The following POGZ variants were observed in gnomAD, a reference collection of about 807,000 sequenced individuals.
POGZ encodes the protein pogo transposable element with ZNF domain.
POGZ carries 17 observed loss-of-function variants against 134.6 expected under a neutral mutation model. The observed-to-expected ratio is 0.13, with a 90% confidence interval of 0.09 to 0.19. The LOEUF (loss-of-function observed/expected upper bound fraction) is 0.19. Ranked by LOEUF, POGZ falls within the 10% of genes least tolerant of loss-of-function variation. POGZ has a pLI of 1.00. For missense variants in POGZ, 1,306 were observed against 1,769.7 expected, an observed-to-expected ratio of 0.74 and a Z score of 4.70; for synonymous variants, 693 against 657.1, an observed-to-expected ratio of 1.05 and a Z score of -0.84.
intron 10 of POGZ, among the ~76,000 whole-genome samples, 157 bp from the exon 11 acceptor site, chr1:151,412,553 CAT>C (rs1309509953): frequency 6.6e-6 from 1 of 152,200 alleles, no homozygotes; most frequent in East Asian, 1.9e-4. Context: ...TCCACCTTAA[CAT>C]ATATGTTGCT....
Position 151,404,545 on chromosome 1 carries a change from A to T in POGZ, c.*257T>A, listed in dbSNP as rs947128354. The T allele has an allele frequency of 1.8e-5, 21 of 1,148,996 alleles. No individual in the cohort carries two copies. The highest frequency in any genetic ancestry group is 2.2e-5 in the Non-Finnish European group (21 of 934,498). The allele number at this position is 1,148,996 out of a possible 1,614,324, so 71.2% of individuals were successfully genotyped here. A position where few individuals can be genotyped will look rare whatever the true frequency, so the allele number is the denominator to read the frequency against. ...GTGATTTAAATTTAAAAAAAAAAAA[A>T]GTCACAAAAACCTGTTTTTAGCAGA... On this transcript the variant is annotated 3_prime_UTR_variant, in exon 19 of 19. Transcript: ENST00000271715.
At chr1:151,439,266 A>G (rs1026151484) in intron 3 of POGZ, among the ~76,000 whole-genome samples, 2 of 152,186 alleles carry the variant, frequency 1.3e-5, no homozygotes, top group Admixed American at 1.3e-4. Flanking sequence ...AAATAATAGA[A>G]ATCTTTACAT....
In POGZ at chr1:151,405,725, A is replaced by G; in HGVS notation, c.3310T>C (p.Phe1104Leu). The change falls in exon 19 of 19, where the codon TTC becomes CTC. Residue 1104 changes from phenylalanine to leucine, a missense_variant. By Grantham distance (22) the Phe-to-Leu change is conservative. Transcript: ENST00000271715. This position sits in a 1 kb window ranked among gnomAD's most constrained non-coding sequence, Gnocchi z 4.9. ...PKDVAENAGL[F>L]IDFVQRQIHN... ...ATCTGCCGTTGTACAAAATCAATGA[A>G]GAGTCCTGCATTCTCTGCTACATCC... 6.2e-7 allele frequency: 1 copy of G among 1,614,214 alleles called. No individual in the cohort carries two copies. The highest frequency in any genetic ancestry group is 8.5e-7 in the Non-Finnish European group (1 of 1,180,026).
intron 1 of POGZ, among the ~76,000 whole-genome samples, chr1:151,445,151 G>A (rs2102386246): frequency 6.6e-6 from 1 of 152,288 alleles, no homozygotes; most frequent in South Asian, 2.1e-4. Context: ...TTAATCAAGT[G>A]AGAAAAATAT....
intron 10 of POGZ, among the ~76,000 whole-genome samples, chr1:151,416,241 A>AAAAAAAAAAAAAAAAAAAAAAAAAAAG (rs1655655902): frequency 6.9e-6 from 1 of 145,522 alleles, no homozygotes; most frequent in Non-Finnish European, 1.5e-5. Context: ...AAAAAGAAAA[A>AAAAAAAAAAAAAAAAAAAAAAAAAAAG]GAAAGAAAAG....
Position 151,428,112 on chromosome 1 carries a change from C to T in POGZ, c.859+11G>A, listed in dbSNP as rs377698150. ...AACCTGGCTCTGCCATCTCCTCTTC[C>T]GAAGCCTTACCTAGCTTGGGATTCG... On this transcript the variant is annotated intron_variant, in intron 6 of 18. Coordinates refer to ENST00000271715, the MANE Select transcript of POGZ (RefSeq NM_015100.4). The T allele has an allele frequency of 1.4e-4, 229 of 1,613,802 alleles. No homozygotes were observed. The highest frequency in any genetic ancestry group is 1.7e-4 in the Non-Finnish European group (205 of 1,179,712).
chr1:151,411,576 TAAAA>T (rs78077948), intron 12 of POGZ, 45 bp downstream of exon 12: 2 of 1,119,260 alleles, frequency 1.8e-6, no homozygotes, highest in Non-Finnish European at 2.5e-6. Flanking sequence ...CATCCATGTT[TAAAA>T]AAAAAAAAAA....
At chr1:151,447,352 A>AC (rs1009546512) in intron 1 of POGZ, among the ~76,000 whole-genome samples, 12 of 152,104 alleles carry the variant, frequency 7.9e-5, no homozygotes, top group Non-Finnish European at 1.5e-4. Context: ...AGCTTGGACA[A>AC]CAGAGCAAGA....
chr1:151,451,573 G>A (rs944272060), intron 1 of POGZ, among the ~76,000 whole-genome samples: 17 of 151,568 alleles, frequency 1.1e-4, no homozygotes, highest in African/African-American at 2.4e-4. Context: ...TGATCCACCC[G>A]CCTCAGTCTC....
chr1:151,406,860 T>C (rs1653739916), intron 17 of POGZ, 51 bp downstream of exon 17: 1 of 1,385,040 alleles, frequency 7.2e-7, no homozygotes, highest in South Asian at 1.2e-5. Context: ...AGTACGAACC[T>C]GTATCTTTTT....
Position 151,404,284 on chromosome 1 carries a change from TATA to T in POGZ, c.*515_*517del. The T allele has an allele frequency of 1.0e-6, 1 of 982,930 alleles. No individual in the cohort carries two copies. Among genetic ancestry groups the T allele is most frequent in the East Asian group, 1.1e-4 (1 of 8,822 alleles). 60.9% of individuals were successfully genotyped at this position (982,930 alleles called of 1,614,324 possible). On this transcript the variant is annotated 3_prime_UTR_variant, in exon 19 of 19. Transcript: ENST00000271715. ...ATGAAAAAAGTTTTTTATCCATATA[TATA>T]ATAAACCAGTTTGTGAGCTACATAA...
Position 151,403,112 on chromosome 1 carries a change from T to G in POGZ, c.*1690A>C, listed in dbSNP as rs1393822708. On this transcript the variant is annotated 3_prime_UTR_variant, in exon 19 of 19. Coordinates refer to ENST00000271715, the MANE Select transcript of POGZ (RefSeq NM_015100.4). ...AGAGAAGCCCAGATGGATCCTTGGT[T>G]GTTTTCAGATGTCAAAGGTTCACAA... The G allele has an allele frequency of 6.6e-5, 37 of 558,502 alleles. No homozygotes were observed. Among genetic ancestry groups the G allele is most frequent in the Non-Finnish European group, 8.4e-5 (37 of 439,912 alleles). The allele number at this position is 558,502 out of a possible 1,614,324, so 34.6% of individuals were successfully genotyped here.
At chr1:151,456,659 TTAATAA>T (rs1396080107) in intron 1 of POGZ, among the ~76,000 whole-genome samples, 4 of 152,298 alleles carry the variant, frequency 2.6e-5, no homozygotes, top group Non-Finnish European at 4.4e-5. Context: ...AAGCTAAGAC[TTAATAA>T]TAATAGGCCG....
At chr1:151,425,280 C>T (rs924065115) in intron 7 of POGZ, 6 of 404,152 alleles carry the variant, frequency 1.5e-5, no homozygotes, top group South Asian at 1.2e-4. Flanking sequence ...CAGCTCACTG[C>T]AGCCTTGACC....
intron 1 of POGZ, among the ~76,000 whole-genome samples, chr1:151,443,628 C>T (rs1412407348): frequency 6.6e-6 from 1 of 152,036 alleles, no homozygotes; most frequent in East Asian, 1.9e-4. Flanking sequence ...GCTGGAGAAT[C>T]GCTTGAACAT....
intron 10 of POGZ, among the ~76,000 whole-genome samples, chr1:151,412,722 C>A (rs1654882558): frequency 6.6e-6 from 1 of 152,096 alleles, no homozygotes; most frequent in South Asian, 2.1e-4. Flanking sequence ...CCCATTTCTT[C>A]CTGAGCTCAA....
intron 1 of POGZ, among the ~76,000 whole-genome samples, chr1:151,457,614 A>T (rs1662927539): frequency 1.3e-5 from 2 of 152,050 alleles, no homozygotes; most frequent in African/African-American, 4.8e-5. Flanking sequence ...CCTTTCCTCT[A>T]GTTGGGTAAA....
intron 8 of POGZ, 64 bp from the exon 9 acceptor site, chr1:151,424,350 C>G: frequency 1.0e-6 from 1 of 971,386 alleles, no homozygotes; most frequent in Non-Finnish European, 1.5e-6. Context: ...AACTCCTTAA[C>G]TTCACTACCA....
chr1:151,428,080 C>T, intron 6 of POGZ, 39 bp from the exon 7 acceptor site: 1 of 1,613,290 alleles, frequency 6.2e-7, no homozygotes, highest in Non-Finnish European at 8.5e-7. Flanking sequence ...TCTCCACCCA[C>T]CATCCCAACC....
Sources: gnomAD v4.1 joint callset for allele counts (sites outside exome capture counted in the v4.1 genomes callset) on GRCh38, gnomAD v4.1.1 for gene constraint, Gnocchi (gnomAD v3.1) non-coding constraint, MANE v1.5 for transcripts, NCBI Gene and HGNC (gene_info 2026-07-23, HGNC 2026-07-21) for gene names.